Variants in NMNAT1 observed in about 807,000 individuals in gnomAD.
NMNAT1 encodes the protein nicotinamide nucleotide adenylyltransferase 1.
A neutral mutation model predicts 16.7 loss-of-function variants in NMNAT1; 11 were observed. The ratio of observed to expected loss-of-function variants is 0.66; its 90% CI spans 0.41 to 1.09. NMNAT1 has a LOEUF of 1.09. Among genes scored for constraint, NMNAT1 ranks in the 50% least tolerant of loss-of-function variants. NMNAT1 has a pLI of 0.00. For synonymous variants in NMNAT1, 110 were observed against 119.8 expected (o/e 0.92, Z 0.53); for missense variants, 280 against 332.3 (o/e 0.84, Z 1.22).
At chr1:9,981,251 T>C in intron 4 of NMNAT1, 81 bp downstream of exon 4, 3 of 1,547,242 alleles carry the variant, frequency 1.9e-6, no homozygotes, top group Non-Finnish European at 2.6e-6. Context: ...TTTTTTTTTT[T>C]TTAGATGGAG....
chr1:9,974,771 G>A (rs1319420537), intron 2 of NMNAT1, among the ~76,000 whole-genome samples: 1 of 151,936 alleles, frequency 6.6e-6, no homozygotes, highest in African/African-American at 2.4e-5. Flanking sequence ...TGATTCTCCT[G>A]CCTTGGTCTC....
the NMNAT1 span, among the ~76,000 whole-genome samples, chr1:9,993,606 C>T: frequency 1.3e-5 from 2 of 152,074 alleles, no homozygotes; most frequent in African/African-American, 4.8e-5. Context: ...TTGAGGGACT[C>T]AGAAGGGAAG....
At chr1:9,957,808 G>C (rs1405932811) in intron 1 of NMNAT1, among the ~76,000 whole-genome samples, 3 of 152,008 alleles carry the variant, frequency 2.0e-5, no homozygotes, top group Admixed American at 2.0e-4. Flanking sequence ...TTTTTTTTTA[G>C]AATTAAAGTT....
Position 9,985,305 on chromosome 1 carries a change from A to G in NMNAT1, c.*2604A>G, listed in dbSNP as rs1642031339. 6.6e-6 allele frequency: 1 copy of G among 152,168 alleles called. No individual in the cohort carries two copies. The highest frequency in any genetic ancestry group is 1.5e-5 in the Non-Finnish European group (1 of 68,046). 9.4% of individuals were successfully genotyped at this position (152,168 alleles called of 1,614,324 possible). ...CTTGGCTTGTGCTCCTGAGTGCCTTATATCATAAGGAAACGGCAAAATCAG... is the reference window on the plus strand; with the variant it reads ...CTTGGCTTGTGCTCCTGAGTGCCTTGTATCATAAGGAAACGGCAAAATCAG... On this transcript the variant is annotated 3_prime_UTR_variant, in exon 5 of 5. Coordinates refer to ENST00000377205, the MANE Select transcript of NMNAT1 (RefSeq NM_022787.4).
chr1:9,976,863 G>A (rs1641826784), intron 3 of NMNAT1, among the ~76,000 whole-genome samples: 1 of 151,194 alleles, frequency 6.6e-6, no homozygotes, highest in Non-Finnish European at 1.5e-5. Flanking sequence ...CTGACCTCAG[G>A]TGATCCACCT....
chr1:9,974,624 G>A (rs576499554), intron 2 of NMNAT1, among the ~76,000 whole-genome samples: 1 of 151,992 alleles, frequency 6.6e-6, no homozygotes, highest in South Asian at 2.1e-4. Context: ...TCCTGACCTC[G>A]TGATCCACCC....
chr1:9,975,552 A>G (rs370776234), intron 2 of NMNAT1, 40 bp from the exon 3 acceptor site: 5 of 1,428,786 alleles, frequency 3.5e-6, no homozygotes, highest in Non-Finnish European at 4.8e-6. Flanking sequence ...CATAAAGTCT[A>G]ATTTGTTATA....
intron 1 of NMNAT1, among the ~76,000 whole-genome samples, chr1:9,968,816 G>A (rs182152807): frequency 2.1e-5 from 3 of 146,148 alleles, no homozygotes; most frequent in African/African-American, 7.5e-5. Flanking sequence ...GCACGTGCCT[G>A]TAATCCCAGC....
downstream of NMNAT1, among the ~76,000 whole-genome samples, chr1:9,985,956 G>C (rs1642040650): frequency 6.6e-6 from 1 of 152,084 alleles, no homozygotes; most frequent in African/African-American, 2.4e-5. Flanking sequence ...GCCCAGATAG[G>C]GTTTTTGACC....
At chr1:9,964,851 G>A (rs1410764991) in intron 1 of NMNAT1, among the ~76,000 whole-genome samples, 1 of 150,456 alleles carries the variant, frequency 6.6e-6, no homozygotes, top group African/African-American at 2.5e-5. Flanking sequence ...GGGAGGCTGA[G>A]GCAGGAGAAT....
rs376763750 is a variant in NMNAT1 at position 9,963,560 on chromosome 1, C to T, written c.-56-8458C>T. On this transcript the variant is annotated intron_variant, in intron 1 of 4. Transcript: ENST00000377205. ...GAGTACCTGGGATTACAGGCGCACACCACCACGCCCAGCGAATTTTTGTAT... is the reference window on the plus strand; with the variant it reads ...GAGTACCTGGGATTACAGGCGCACATCACCACGCCCAGCGAATTTTTGTAT... Among the ~76,000 whole-genome samples, 15 of 152,136 alleles carry T rather than the reference C, an allele frequency of 9.9e-5. No individual in the cohort carries two copies. The East Asian group carries it at 1.7e-3, about 18-fold the overall frequency.
At chr1:9,971,565 G>A (rs1055442657) in intron 1 of NMNAT1, among the ~76,000 whole-genome samples, 6 of 152,118 alleles carry the variant, frequency 3.9e-5, no homozygotes, top group Admixed American at 2.0e-4. Flanking sequence ...ACCCGCCCCA[G>A]CCTCCCAAAG....
chr1:9,952,524 A>G (rs1164870485), intron 1 of NMNAT1: 1 of 151,944 alleles, frequency 6.6e-6, no homozygotes, highest in African/African-American at 2.4e-5. Flanking sequence ...TCAGAAAGAA[A>G]CATATTCTTT....
the NMNAT1 span, among the ~76,000 whole-genome samples, chr1:9,994,745 G>A: frequency 6.6e-6 from 1 of 151,802 alleles, no homozygotes; most frequent in Non-Finnish European, 1.5e-5. Context: ...CCGAGTAGCT[G>A]GGACTACAGG....
intron 1 of NMNAT1, among the ~76,000 whole-genome samples, chr1:9,956,216 CTGG>C (rs1193349072): frequency 6.1e-5 from 9 of 148,426 alleles, no homozygotes; most frequent in Non-Finnish European, 1.0e-4. Flanking sequence ...GTCACCCAGG[CTGG>C]ACTGCAGTGG....
intron 1 of NMNAT1, among the ~76,000 whole-genome samples, chr1:9,959,538 G>A (rs1463036064): frequency 4.6e-5 from 7 of 151,656 alleles, no homozygotes; most frequent in Admixed American, 4.6e-4. Flanking sequence ...AAAATTAGCT[G>A]GGCGTGGTGG....
chr1:9,982,420 A>G lies in NMNAT1; in HGVS notation c.559A>G (p.Thr187Ala). ...GGCCAACTATGGGCTCATATGTGTT[A>G]CTCGGGCTGGAAATGATGCTCAGAA... ...IVANYGLICVTRAGNDAQKFI... is the reference protein window; with the variant it reads ...IVANYGLICVARAGNDAQKFI... Residue 187 changes from threonine to alanine, a missense_variant, in exon 5 of 5, where the codon ACT (threonine) becomes GCT (alanine). Physicochemically the swap from Thr to Ala is moderately conservative, Grantham distance 58. Coordinates refer to ENST00000377205, the MANE Select transcript of NMNAT1 (RefSeq NM_022787.4). The G allele has an allele frequency of 6.2e-7, 1 of 1,614,076 alleles. No individual in the cohort carries two copies.
Position 9,956,707 on chromosome 1 carries a change from G to A in NMNAT1, c.-57+13192G>A, listed in dbSNP as rs571136971. The stretch of plus-strand genomic sequence containing the variant: ...CAAAGTGCTTGGATTACAGGCATGA[G>A]CCACTGATCCTGGCCTTGTTTACCT... On this transcript the variant is annotated intron_variant, in intron 1 of 4. Coordinates refer to ENST00000377205, the MANE Select transcript of NMNAT1 (RefSeq NM_022787.4). Among the ~76,000 whole-genome samples the A allele has an allele frequency of 2.5e-4, 38 of 150,650 alleles. 1 individual carries two copies. In the South Asian group the frequency reaches 6.9e-3, roughly 27 times the overall value.
chr1:9,955,155 C>T (rs1389572738), intron 1 of NMNAT1, among the ~76,000 whole-genome samples: 2 of 151,802 alleles, frequency 1.3e-5, no homozygotes, highest in African/African-American at 4.8e-5. Flanking sequence ...GTAATCCCAG[C>T]ACTTTGGAAG....
Sources: allele counts gnomAD v4.1 joint callset (sites outside exome capture counted in the v4.1 genomes callset), GRCh38; gene constraint gnomAD v4.1.1; transcripts MANE v1.5; gene names NCBI Gene and HGNC (gene_info 2026-07-23, HGNC 2026-07-21).